PTPRG: variants seen among roughly 807,000 people sequenced by gnomAD.
PTPRG encodes receptor-type tyrosine-protein phosphatase gamma.
Under a neutral mutation model 165.3 loss-of-function variants are expected in PTPRG, and 102 were observed. The observed-to-expected ratio is 0.62, with a 90% CI of 0.53 to 0.73. The LOEUF is 0.73. PTPRG is among the 30% of genes least tolerant of loss of function. The probability of loss-of-function intolerance (pLI) is 0.00; values close to 1 mark genes in which losing one functional copy is unlikely to be tolerated. For missense variants in PTPRG, 1,866 were observed against 1,861.4 expected (o/e 1.00, Z -0.05); for synonymous variants, 675 against 669.5 (o/e 1.01, Z -0.13).
intron 1 of PTPRG, among the ~76,000 whole-genome samples, chr3:61,579,368 C>CG (rs1700232716): frequency 6.6e-6 from 1 of 152,092 alleles, no homozygotes; most frequent in African/African-American, 2.4e-5. Flanking sequence ...TCTCCTTCAC[C>CG]AGGGGTGAGG....
intron 2 of PTPRG, among the ~76,000 whole-genome samples, chr3:61,965,285 A>G (rs1006304773): frequency 2.0e-5 from 3 of 150,472 alleles, no homozygotes; most frequent in Non-Finnish European, 4.4e-5. Context: ...GTGTTAAGCT[A>G]CGGTGGCTCA....
At chr3:62,071,475 A>G (rs139872758) in intron 4 of PTPRG, among the ~76,000 whole-genome samples, 25 of 152,280 alleles carry the variant, frequency 1.6e-4, no homozygotes, top group African/African-American at 6.0e-4. Context: ...TAAATGTAGT[A>G]TTTGTTTAAT....
intron 1 of PTPRG, among the ~76,000 whole-genome samples, chr3:61,743,507 C>CTGTG (rs58642937): frequency 2.7e-4 from 41 of 151,034 alleles, no homozygotes; most frequent in South Asian, 2.5e-3. Context: ...CCATGGGTGT[C>CTGTG]TGTGTGTGTG....
chr3:61,781,858 G>T (rs1466026552), intron 2 of PTPRG, among the ~76,000 whole-genome samples: 1 of 149,564 alleles, frequency 6.7e-6, no homozygotes, highest in Non-Finnish European at 1.5e-5. Flanking sequence ...CTCCCAAGTA[G>T]CTGGGACCCC....
intron 1 of PTPRG, among the ~76,000 whole-genome samples, chr3:61,699,443 G>A (rs1005510858): frequency 3.9e-5 from 6 of 152,236 alleles, no homozygotes; most frequent in Admixed American, 3.9e-4. Flanking sequence ...GGGACCCACA[G>A]GGGTCTTTGG....
intron 1 of PTPRG, chr3:61,659,253 A>T (rs947135196): frequency 1.1e-6 from 1 of 940,054 alleles, no homozygotes; most frequent in South Asian, 4.9e-5. Context: ...TCAGGGCTTC[A>T]TATAGGCATA....
intron 4 of PTPRG, among the ~76,000 whole-genome samples, chr3:62,013,360 A>G (rs1481892930): frequency 6.6e-6 from 1 of 152,168 alleles, no homozygotes; most frequent in Non-Finnish European, 1.5e-5. Context: ...GAGACTAACA[A>G]ATTCTTTAGG....
chr3:62,163,747 A>G (rs1047161587), intron 7 of PTPRG, among the ~76,000 whole-genome samples: 1 of 152,244 alleles, frequency 6.6e-6, no homozygotes, highest in African/African-American at 2.4e-5. Context: ...CAAATATTTT[A>G]TATATCACAA....
chr3:62,137,788 C>T (rs988910743), intron 6 of PTPRG, among the ~76,000 whole-genome samples: 11 of 152,134 alleles, frequency 7.2e-5, no homozygotes, highest in Admixed American at 3.9e-4. Flanking sequence ...GATCGAGAAA[C>T]GATTCATTGT....
intron 2 of PTPRG, among the ~76,000 whole-genome samples, chr3:61,881,857 A>T (rs1249101115): frequency 6.6e-6 from 1 of 152,030 alleles, no homozygotes; most frequent in Admixed American, 6.5e-5. Flanking sequence ...GTAGATCTGT[A>T]TTCCTCCATA....
Position 61,906,657 on chromosome 3 carries a change from G to A in PTPRG, c.191-82968G>A, listed in dbSNP as rs146347294. ...TAACCAAGGGTGGTGGCACAGGCCT[G>A]TAGTCCCAGCTCCTCTAGATGTTGA... On this transcript the variant is annotated intron_variant, in intron 2 of 29. Coordinates refer to ENST00000474889, the MANE Select transcript of PTPRG (RefSeq NM_002841.4). Among the ~76,000 whole-genome samples, 5 of 152,132 alleles carry A rather than the reference G, an allele frequency of 3.3e-5. No individual in the cohort carries two copies. The East Asian group carries it at 7.7e-4, about 24-fold the overall frequency.
At chr3:62,078,335 A>G in intron 5 of PTPRG, 77 bp downstream of exon 5, 1 of 945,354 alleles carries the variant, frequency 1.1e-6, no homozygotes, top group East Asian at 2.6e-5. Context: ...TTCCATGTTT[A>G]ATGAATGCAT....
intron 4 of PTPRG, among the ~76,000 whole-genome samples, chr3:62,024,310 A>G (rs2041760787): frequency 6.6e-6 from 1 of 152,164 alleles, no homozygotes; most frequent in Non-Finnish European, 1.5e-5. Flanking sequence ...ATTTATCAAG[A>G]TACTTTTACA....
Position 62,255,303 on chromosome 3 carries a change from G to A in PTPRG, c.2559+88G>A. The stretch of plus-strand genomic sequence containing the variant: ...TAAACTTGAACTGAATTCATTCCAA[G>A]CATAACAAAACAGTAACTACGGAAA... On this transcript the variant is annotated intron_variant, in intron 16 of 29. Coordinates refer to ENST00000474889, the MANE Select transcript of PTPRG (RefSeq NM_002841.4). The surrounding 1 kb of genome is among the most constrained non-coding windows in gnomAD (Gnocchi z 4.0). 2.0e-6 allele frequency: 2 copies of A among 1,002,964 alleles called. No homozygotes were observed. The highest frequency in any genetic ancestry group is 3.0e-6 in the Non-Finnish European group (2 of 663,004). 62.1% of individuals were successfully genotyped at this position (1,002,964 alleles called of 1,614,324 possible).
chr3:61,954,456 C>T (rs2039988291), intron 2 of PTPRG, among the ~76,000 whole-genome samples: 1 of 152,100 alleles, frequency 6.6e-6, no homozygotes, highest in Admixed American at 6.5e-5. Context: ...GCTATTAATA[C>T]CATCTGCTCT....
chr3:61,859,119 CAA>C (rs2037191014), intron 2 of PTPRG, among the ~76,000 whole-genome samples: 1 of 152,006 alleles, frequency 6.6e-6, no homozygotes, highest in African/African-American at 2.4e-5. Flanking sequence ...TGGAGACTCT[CAA>C]AAGGAATGAT....
At position 61,738,279 on chromosome 3, in the gene PTPRG, CAT is replaced by C. The variant is rs1169177844; in HGVS notation, c.86-10567_86-10566del. Among the ~76,000 whole-genome samples, 88 of 15,474 alleles carry C rather than the reference CAT, an allele frequency of 5.7e-3. 2 individuals are homozygous for C. The highest frequency in any genetic ancestry group is 0.016 in the South Asian group (8 of 508). 10.2% of individuals were successfully genotyped at this position (15,474 alleles called of 152,430 possible). A position where few individuals can be genotyped will look rare whatever the true frequency, so the allele number is the denominator to read the frequency against. ...ATTTTTATATATATATATATATATA[CAT>C]ATATATATATATATATATATATATA... is the stretch of plus-strand genomic sequence containing the variant. On this transcript the variant is annotated intron_variant, in intron 1 of 29. Coordinates refer to ENST00000474889, the MANE Select transcript of PTPRG (RefSeq NM_002841.4).
chr3:62,167,321 C>A (rs577577283), intron 7 of PTPRG, among the ~76,000 whole-genome samples: 1 of 151,994 alleles, frequency 6.6e-6, no homozygotes, highest in Non-Finnish European at 1.5e-5. Flanking sequence ...AGTGACTTGG[C>A]GACTTTGCCA....
chr3:61,783,769 G>C (rs1244857178), intron 2 of PTPRG, among the ~76,000 whole-genome samples: 1 of 152,196 alleles, frequency 6.6e-6, no homozygotes, highest in Non-Finnish European at 1.5e-5. Context: ...AGCCCTGGAA[G>C]GAATGTGAAG....
Sources: allele counts gnomAD v4.1 joint callset (sites outside exome capture counted in the v4.1 genomes callset), GRCh38; gene constraint gnomAD v4.1.1; non-coding constraint Gnocchi (gnomAD v3.1); transcripts MANE v1.5; gene names NCBI Gene and HGNC (gene_info 2026-07-23, HGNC 2026-07-21).